Variants in GRB2 observed in about 807,000 individuals in gnomAD.
GRB2 encodes growth factor receptor bound protein 2.
In GRB2, 2 loss-of-function variants were observed where a neutral mutation model predicts 27.4. That is an observed-to-expected ratio of 0.07 (90% CI 0.03 to 0.23). The LOEUF (loss-of-function observed/expected upper bound fraction) is 0.23, where lower values mean the gene tolerates loss of function less well. Among genes scored for constraint, GRB2 ranks in the 10% least tolerant of loss-of-function variants. GRB2 has a pLI of 1.00. For missense variants in GRB2, 102 were observed against 282.4 expected, an observed-to-expected ratio of 0.36 and a Z score of 4.58; for synonymous variants, 94 against 99.6, an observed-to-expected ratio of 0.94 and a Z score of 0.33.
At chr17:75,403,790 C>T (rs543913996) in intron 1 of GRB2, among the ~76,000 whole-genome samples, 6 of 151,814 alleles carry the variant, frequency 4.0e-5, no homozygotes, top group Admixed American at 1.3e-4. Flanking sequence ...TAAATAAATG[C>T]TTGTGTTTAG....
At chr17:75,400,729 G>C (rs915407106) in intron 1 of GRB2, among the ~76,000 whole-genome samples, 1 of 151,950 alleles carries the variant, frequency 6.6e-6, no homozygotes. Context: ...GGCCAGGCTG[G>C]TCTCCAACCT....
chr17:75,345,038 A>G (rs1303353487), intron 2 of GRB2, among the ~76,000 whole-genome samples: 1 of 151,392 alleles, frequency 6.6e-6, no homozygotes, highest in Non-Finnish European at 1.5e-5. Context: ...TTTTTTTTAA[A>G]TTTTATTTAT....
chr17:75,325,756 A>G (rs1294016191), intron 4 of GRB2, 142 bp downstream of exon 4: 1 of 882,362 alleles, frequency 1.1e-6, no homozygotes, highest in African/African-American at 1.7e-5. Flanking sequence ...GGAGCCAGAA[A>G]TTAGGATTTT....
intron 4 of GRB2, 143 bp from the exon 5 acceptor site, chr17:75,321,970 G>T: frequency 1.4e-6 from 1 of 706,598 alleles, no homozygotes; most frequent in Non-Finnish European, 2.4e-6. Flanking sequence ...TTTCCTCACT[G>T]GGTGTCCCTG....
At chr17:75,380,378 C>A (rs2078920580) in intron 2 of GRB2, among the ~76,000 whole-genome samples, 1 of 150,984 alleles carries the variant, frequency 6.6e-6, no homozygotes, top group Non-Finnish European at 1.5e-5. Flanking sequence ...TAGAAATGCA[C>A]CATATAGAAA....
chr17:75,366,481 G>T (rs2078820177), intron 2 of GRB2, among the ~76,000 whole-genome samples: 1 of 134,536 alleles, frequency 7.4e-6, no homozygotes, highest in South Asian at 2.8e-4. Flanking sequence ...CTTGAACACA[G>T]GAGTTTGAGA....
intron 2 of GRB2, among the ~76,000 whole-genome samples, chr17:75,377,273 G>A (rs2078900177): frequency 6.6e-6 from 1 of 151,888 alleles, no homozygotes; most frequent in Admixed American, 6.6e-5. Context: ...ATGAACTATG[G>A]TGGGGCCACC....
chr17:75,404,783 CG>C (rs1206548210), intron 1 of GRB2: 1 of 152,126 alleles, frequency 6.6e-6, no homozygotes, highest in Non-Finnish European at 1.5e-5. Context: ...ACTTTCACAG[CG>C]TTTGAAGCCA....
chr17:75,359,596 T>C (rs1162461716), intron 2 of GRB2, among the ~76,000 whole-genome samples: 2 of 152,010 alleles, frequency 1.3e-5, no homozygotes, highest in African/African-American at 4.8e-5. Context: ...GGCCCAGACC[T>C]TGCCTAACTC....
At chr17:75,358,350 T>C (rs949466308) in intron 2 of GRB2, among the ~76,000 whole-genome samples, 3 of 152,182 alleles carry the variant, frequency 2.0e-5, no homozygotes, top group Non-Finnish European at 4.4e-5. Context: ...CTCCAATTCA[T>C]GTTACTAAAT....
At chr17:75,361,549 T>C (rs907141165) in intron 2 of GRB2, among the ~76,000 whole-genome samples, 40 of 152,284 alleles carry the variant, frequency 2.6e-4, no homozygotes, top group African/African-American at 9.4e-4. Context: ...TCTAGACTTA[T>C]CATATTACAA....
At chr17:75,369,876 G>T (rs898442026) in intron 2 of GRB2, among the ~76,000 whole-genome samples, 2 of 149,834 alleles carry the variant, frequency 1.3e-5, no homozygotes, top group African/African-American at 4.9e-5. Flanking sequence ...AACTGTTTTT[G>T]ACTATGGCTG....
chr17:75,320,389 G>C lies in GRB2; in HGVS notation c.633C>G (p.Thr211=). 2 of 1,613,934 alleles carry C rather than the reference G, an allele frequency of 1.2e-6. No homozygotes were observed. The highest frequency in any genetic ancestry group is 1.7e-6 in the Non-Finnish European group (2 of 1,179,852). Reference sequence around the variant, plus strand: ...ACTCTTAGACGTTCCGGTTCACGGGGGTGACATAATTGCGGGGAAACATGC... The same window carrying C: ...ACTCTTAGACGTTCCGGTTCACGGGCGTGACATAATTGCGGGGAAACATGC... ...QTGMFPRNYV[T]PVNRNV is the part of the protein sequence containing the mutation. The change falls in exon 6 of 6, where the codon ACC becomes ACG. Residue 211 remains threonine (T), a synonymous_variant. Coordinates refer to ENST00000316804, the MANE Select transcript of GRB2 (RefSeq NM_002086.5). This position sits in a 1 kb window ranked among gnomAD's most constrained non-coding sequence, Gnocchi z 4.3.
intron 3 of GRB2, among the ~76,000 whole-genome samples, chr17:75,330,221 A>G (rs1281179806): frequency 2.6e-5 from 4 of 151,892 alleles, no homozygotes; most frequent in African/African-American, 9.7e-5. Flanking sequence ...ATCTCTACTA[A>G]AAATACAAAA....
At chr17:75,334,193 CAG>C (rs1416429210) in intron 2 of GRB2, among the ~76,000 whole-genome samples, 2 of 151,726 alleles carry the variant, frequency 1.3e-5, no homozygotes, top group African/African-American at 4.8e-5. Flanking sequence ...TTTTTTGAGA[CAG>C]AGTCTCGCTC....
chr17:75,376,391 T>C (rs2078894169), intron 2 of GRB2, among the ~76,000 whole-genome samples: 2 of 146,726 alleles, frequency 1.4e-5, no homozygotes, highest in Admixed American at 6.9e-5. Context: ...CCTGGTGGCA[T>C]GCTCCTGTAA....
chr17:75,321,592 A>G, intron 5 of GRB2, 67 bp downstream of exon 5: 1 of 1,470,296 alleles, frequency 6.8e-7, no homozygotes, highest in Non-Finnish European at 9.4e-7. Context: ...CCCCTTTCCT[A>G]CAGGAATGCA....
chr17:75,332,679 G>A, intron 3 of GRB2, 21 bp downstream of exon 3: 2 of 1,442,510 alleles, frequency 1.4e-6, no homozygotes, highest in Non-Finnish European at 2.0e-6. Flanking sequence ...ACCCTTCCAA[G>A]ACTAATGGAG....
chr17:75,347,473 A>G (rs898064358), intron 2 of GRB2, among the ~76,000 whole-genome samples: 19 of 152,176 alleles, frequency 1.2e-4, no homozygotes, highest in African/African-American at 4.3e-4. Context: ...ACCATTCAGC[A>G]TGCATGCCCC....
Sources: gnomAD v4.1 joint callset for allele counts (sites outside exome capture counted in the v4.1 genomes callset) on GRCh38, gnomAD v4.1.1 for gene constraint, Gnocchi (gnomAD v3.1) non-coding constraint, MANE v1.5 for transcripts, NCBI Gene and HGNC (gene_info 2026-07-23, HGNC 2026-07-21) for gene names.